Variants in FHIT observed in about 807,000 individuals in gnomAD.
FHIT encodes fragile histidine triad diadenosine triphosphatase.
In FHIT, 19 loss-of-function variants were observed where a neutral mutation model predicts 17.9. That is an observed-to-expected ratio of 1.06 (90% CI 0.74 to 1.56). FHIT has a LOEUF of 1.56. FHIT is among the 40% of genes most tolerant of loss of function. The pLI, the probability that FHIT is intolerant of heterozygous loss-of-function variation, is 0.00. For missense variants in FHIT, 248 were observed against 189.2 expected (o/e 1.31, Z -1.82); for synonymous variants, 81 against 69.7 (o/e 1.16, Z -0.81).
At chr3:61,012,526 T>C (rs1214766173) in intron 3 of FHIT, among the ~76,000 whole-genome samples, 1 of 152,124 alleles carries the variant, frequency 6.6e-6, no homozygotes, top group East Asian at 1.9e-4. Flanking sequence ...GATTTCTCAA[T>C]GCTTATATCT....
At chr3:60,389,540 A>C (rs1026541095) in intron 5 of FHIT, among the ~76,000 whole-genome samples, 2 of 152,080 alleles carry the variant, frequency 1.3e-5, no homozygotes, top group Non-Finnish European at 2.9e-5. Flanking sequence ...GAAGATTTTT[A>C]AATGCTATCA....
chr3:60,125,715 T>C (rs1381908130), intron 5 of FHIT, among the ~76,000 whole-genome samples: 2 of 151,962 alleles, frequency 1.3e-5, no homozygotes, highest in Non-Finnish European at 2.9e-5. Context: ...CACACACGTA[T>C]GTATATGTAA....
intron 3 of FHIT, among the ~76,000 whole-genome samples, chr3:60,825,571 C>G (rs528605637): frequency 6.6e-6 from 1 of 152,128 alleles, no homozygotes; most frequent in Non-Finnish European, 1.5e-5. Flanking sequence ...CGAGCATTAC[C>G]GCCTGAGCTC....
At chr3:60,609,771 T>C (rs2038729021) in intron 4 of FHIT, among the ~76,000 whole-genome samples, 1 of 152,192 alleles carries the variant, frequency 6.6e-6, no homozygotes, top group African/African-American at 2.4e-5. Context: ...CTCAAAGGTC[T>C]GATTTCTTAG....
intron 3 of FHIT, among the ~76,000 whole-genome samples, chr3:60,846,990 AT>A (rs2106892313): frequency 6.6e-6 from 1 of 152,086 alleles, no homozygotes; most frequent in African/African-American, 2.4e-5. Context: ...AGCCCAGCTA[AT>A]TTTTGTATTT....
chr3:59,752,283 C>G lies in FHIT; in HGVS notation c.387G>C (p.Trp129Cys). ...CTGCTGCCATTTCCTCCTCTGATCTCCAAGAGGCAGGAAAGTCCTCCTTGT... is the reference window on the plus strand; with the variant it reads ...CTGCTGCCATTTCCTCCTCTGATCTGCAAGAGGCAGGAAAGTCCTCCTTGT... ...KHDKEDFPAS[W>C]RSEEEMAAEA... Residue 129 changes from tryptophan (W) to cysteine (C), a missense_variant, in exon 9 of 10, where the codon TGG becomes TGC. Trp to Cys is a radical substitution (Grantham distance 215, BLOSUM62 -2). Transcript: ENST00000492590. 1.2e-6 allele frequency: 2 copies of G among 1,613,138 alleles called. No individual in the cohort carries two copies. The highest frequency in any genetic ancestry group is 1.7e-6 in the Non-Finnish European group (2 of 1,179,588).
chr3:60,981,294 CCTTTTT>C lies in FHIT; in HGVS notation c.-111+60747_-111+60752del, dbSNP rs1358863447. Among the ~76,000 whole-genome samples, 139 of 92,340 alleles carry C rather than the reference CCTTTTT, an allele frequency of 1.5e-3. 3 individuals are homozygous for C. The South Asian group carries it at 0.057, about 38-fold the overall frequency. 60.6% of individuals were successfully genotyped at this position (92,340 alleles called of 152,430 possible). A position where few individuals can be genotyped will look rare whatever the true frequency, so the allele number is the denominator to read the frequency against. On this transcript the variant is annotated intron_variant, in intron 3 of 9. Coordinates refer to ENST00000492590, the MANE Select transcript of FHIT (RefSeq NM_002012.4). ...TTTCTCCTTCTCCCCTTTCTTCCTTCCTTTTTTTTTTTTTTTTCTTTTTTTTTTTTG... is the reference window on the plus strand; with the variant it reads ...TTTCTCCTTCTCCCCTTTCTTCCTTCTTTTTTTTTTTCTTTTTTTTTTTTG...
chr3:59,973,985 GA>G (rs5849314), intron 7 of FHIT, among the ~76,000 whole-genome samples: 8 of 148,546 alleles, frequency 5.4e-5, no homozygotes, highest in Non-Finnish European at 8.9e-5. Flanking sequence ...ATAAAGAAAA[GA>G]AAAAAAAAAC....
chr3:59,912,856 G>GA (rs1314731022), intron 8 of FHIT, among the ~76,000 whole-genome samples: 2 of 151,882 alleles, frequency 1.3e-5, no homozygotes, highest in African/African-American at 4.8e-5. Context: ...TTCTTTTTCA[G>GA]AAAAAAAGCA....
chr3:59,978,324 C>G (rs1425217801), intron 7 of FHIT, among the ~76,000 whole-genome samples: 1 of 152,018 alleles, frequency 6.6e-6, no homozygotes, highest in African/African-American at 2.4e-5. Flanking sequence ...CCTTACATGC[C>G]AATTACAACC....
At chr3:60,604,271 G>A (rs1347672701) in intron 4 of FHIT, among the ~76,000 whole-genome samples, 3 of 152,212 alleles carry the variant, frequency 2.0e-5, no homozygotes, top group African/African-American at 7.2e-5. Flanking sequence ...GACCACAAAA[G>A]TGAGGGGAAT....
chr3:59,775,328 C>T (rs79101229), intron 8 of FHIT, among the ~76,000 whole-genome samples: 2,169 of 152,250 alleles, frequency 0.014, 23 homozygotes, highest in Middle Eastern at 0.054. Flanking sequence ...ATTCCTTACC[C>T]GCCTGTAGTG....
At chr3:61,201,911 A>G (rs1038014605) in intron 1 of FHIT, among the ~76,000 whole-genome samples, 7 of 152,208 alleles carry the variant, frequency 4.6e-5, no homozygotes, top group Admixed American at 4.6e-4. Flanking sequence ...TGCTAAACAA[A>G]ATACAATAAT....
At chr3:60,530,095 G>C (rs558691831) in intron 5 of FHIT, among the ~76,000 whole-genome samples, 32 of 152,254 alleles carry the variant, frequency 2.1e-4, no homozygotes, top group South Asian at 4.1e-4. Context: ...TGCACAGCAC[G>C]GTCTGGGGCT....
chr3:60,144,902 T>A (rs1700176368), intron 5 of FHIT, among the ~76,000 whole-genome samples: 1 of 152,190 alleles, frequency 6.6e-6, no homozygotes, highest in African/African-American at 2.4e-5. Flanking sequence ...TAACTTCAAC[T>A]GGTCTGTGAA....
chr3:60,905,798 T>C (rs1433426026), intron 3 of FHIT, among the ~76,000 whole-genome samples: 1 of 152,154 alleles, frequency 6.6e-6, no homozygotes, highest in East Asian at 1.9e-4. Context: ...AATGAAGACA[T>C]GAAGGATAAA....
At chr3:61,246,819 A>C (rs940079806) in intron 1 of FHIT, among the ~76,000 whole-genome samples, 2 of 152,032 alleles carry the variant, frequency 1.3e-5, no homozygotes, top group Non-Finnish European at 2.9e-5. Context: ...CCTATTAACA[A>C]ACCTGTACAT....
intron 5 of FHIT, among the ~76,000 whole-genome samples, chr3:60,331,404 C>T (rs1168897833): frequency 1.3e-5 from 2 of 152,132 alleles, no homozygotes; most frequent in Non-Finnish European, 2.9e-5. Flanking sequence ...TCCCATCAGA[C>T]CTTAGTCACC....
At chr3:61,248,321 TG>T (rs2040534382) in intron 1 of FHIT, among the ~76,000 whole-genome samples, 1 of 151,616 alleles carries the variant, frequency 6.6e-6, no homozygotes, top group Non-Finnish European at 1.5e-5. Context: ...GGTGGGGGCA[TG>T]GGGGTGATGA....
Sources: allele counts gnomAD v4.1 joint callset (sites outside exome capture counted in the v4.1 genomes callset), GRCh38; gene constraint gnomAD v4.1.1; transcripts MANE v1.5; gene names NCBI Gene and HGNC (gene_info 2026-07-23, HGNC 2026-07-21).